Variants in TTC21A observed in about 807,000 individuals in gnomAD.
TTC21A encodes tetratricopeptide repeat domain 21A.
Under a neutral mutation model 156.4 loss-of-function variants are expected in TTC21A, and 128 were observed. That is an observed-to-expected ratio of 0.82 (90% CI 0.71 to 0.95). The LOEUF (loss-of-function observed/expected upper bound fraction) is 0.95. Ranked by LOEUF, TTC21A falls within the 40% of genes least tolerant of loss-of-function variation. The pLI, the probability that TTC21A is intolerant of heterozygous loss-of-function variation, is 0.00. For synonymous variants in TTC21A, 587 were observed against 617.1 expected (o/e 0.95, Z 0.72); for missense variants, 1,435 against 1,602.3 (o/e 0.90, Z 1.78).
chr3:39,119,278 C>T (rs1421622903), intron 7 of TTC21A: 2 of 152,236 alleles, frequency 1.3e-5, no homozygotes, highest in African/African-American at 4.8e-5. Flanking sequence ...ACTAAGAATT[C>T]CTTACTCCTG....
At position 39,133,172 on chromosome 3, in the gene TTC21A, G is replaced by C; in HGVS notation, c.2683G>C (p.Glu895Gln). The change falls in exon 20 of 29, where the codon GAG becomes CAG. Residue 895 changes from glutamate (E) to glutamine (Q), a missense_variant. Transcript: ENST00000683103. ...CIQFAEHYLA[E>Q]KEYDKAVQSY... ...CCAATTTGCAGAGCACTACCTGGCA[G>C]AGAAAGAGTATGACAAGGCGGTACA... is the stretch of plus-strand genomic sequence containing the variant. 6.2e-7 allele frequency: 1 copy of C among 1,614,222 alleles called. No homozygotes were observed. The highest frequency in any genetic ancestry group is 8.5e-7 in the Non-Finnish European group (1 of 1,180,044).
chr3:39,118,716 C>T (rs1008424465), intron 7 of TTC21A: 1 of 153,854 alleles, frequency 6.5e-6, no homozygotes, highest in South Asian at 2.0e-4. Context: ...CAGTCAGAAA[C>T]ACCTAGAATT....
Position 39,138,702 on chromosome 3 carries a change from C to G in TTC21A, c.3865-9C>G. On this transcript the variant is annotated splice_polypyrimidine_tract_variant and intron_variant, in intron 28 of 28. Coordinates refer to ENST00000683103, the MANE Select transcript of TTC21A (RefSeq NM_001366900.1). ...ATGATACTGCACACCCATTCTCTCT[C>G]TGTTCCAGGTCCTCAGGGAGCACCC... The G allele has an allele frequency of 6.2e-7, 1 of 1,614,132 alleles. No individual in the cohort carries two copies. Among genetic ancestry groups the G allele is most frequent in the Non-Finnish European group, 8.5e-7 (1 of 1,179,998 alleles).
chr3:39,138,445 G>T, intron 27 of TTC21A, 58 bp downstream of exon 27: 1 of 1,613,176 alleles, frequency 6.2e-7, no homozygotes, highest in Non-Finnish European at 8.5e-7. Context: ...GGGCAGGAGG[G>T]CCCCCACCAT....
intron 6 of TTC21A, among the ~76,000 whole-genome samples, chr3:39,117,847 A>G (rs1406966547): frequency 6.6e-6 from 1 of 152,190 alleles, no homozygotes; most frequent in Non-Finnish European, 1.5e-5. Context: ...TTGTACTTCT[A>G]TCCTGTAGGT....
At chr3:39,124,986 T>C in intron 9 of TTC21A, 77 bp from the exon 10 acceptor site, 2 of 920,066 alleles carry the variant, frequency 2.2e-6, no homozygotes, top group East Asian at 4.8e-5. Context: ...CACTGTCTTA[T>C]CCATGCCCCT....
In TTC21A at chr3:39,121,069, T is replaced by C. The variant is rs373055793; in HGVS notation, c.973T>C (p.Tyr325His). 1.9e-6 allele frequency: 3 copies of C among 1,614,010 alleles called. No individual in the cohort carries two copies. The highest frequency in any genetic ancestry group is 2.5e-6 in the Non-Finnish European group (3 of 1,180,010). The change falls in exon 9 of 29, where the codon TAT (tyrosine) becomes CAT (histidine). Residue 325 changes from tyrosine to histidine, a missense_variant. By Grantham distance (83) the Tyr-to-His change is moderately conservative (BLOSUM62 2). Coordinates refer to ENST00000683103, the MANE Select transcript of TTC21A (RefSeq NM_001366900.1). ...GCGCACCTTCATGGCCACCCCCTCGTATGTCCATGTGGCCACAGAACTGGG... is the reference window on the plus strand; with the variant it reads ...GCGCACCTTCATGGCCACCCCCTCGCATGTCCATGTGGCCACAGAACTGGG... ...IERTFMATPSYVHVATELGYL... is the reference protein window; with the variant it reads ...IERTFMATPSHVHVATELGYL...
At chr3:39,131,305 GGGAA>G (rs2038714612) in intron 19 of TTC21A, among the ~76,000 whole-genome samples, 1 of 152,210 alleles carries the variant, frequency 6.6e-6, no homozygotes, top group Non-Finnish European at 1.5e-5. Context: ...GTGGTGGGCT[GGGAA>G]AGGCAGGAAG....
At position 39,108,105 on chromosome 3, in the gene TTC21A, A is replaced by G. The variant is rs142798608; in HGVS notation, c.27+241A>G. 4.3e-3 allele frequency: 2,533 copies of G among 584,808 alleles called. 9 individuals carry two copies. The highest frequency in any genetic ancestry group is 5.7e-3 in the Non-Finnish European group (1,863 of 328,970). The allele number at this position is 584,808 out of a possible 1,614,324, so 36.2% of individuals were successfully genotyped here. On this transcript the variant is annotated intron_variant, in intron 1 of 28. Transcript: ENST00000683103. ...CCCCAAACCAGCTCATCCAATCACT[A>G]TCATTATCCCTTCTTGTCATCATCC...
intron 1 of TTC21A, among the ~76,000 whole-genome samples, chr3:39,108,607 A>G (rs1353607231): frequency 6.6e-6 from 1 of 152,218 alleles, no homozygotes; most frequent in East Asian, 1.9e-4. Context: ...CAAACCTTAG[A>G]GGAAGTGAAA....
Position 39,121,129 on chromosome 3 carries a change from G to A in TTC21A, c.1033G>A (p.Ala345Thr). ...CATCCTGAAGAACCAAGTGAAAGAG[G>A]CCTTGCTGTGGTATTCAGAAGCCAT... ...LFILKNQVKE[A>T]LLWYSEAMKL... Residue 345 changes from alanine (A) to threonine (T), a missense_variant, in exon 9 of 29, where the codon GCC (alanine) becomes ACC (threonine). Ala to Thr is a moderately conservative substitution (Grantham distance 58). Coordinates refer to ENST00000683103, the MANE Select transcript of TTC21A (RefSeq NM_001366900.1). 1.9e-6 allele frequency: 3 copies of A among 1,614,114 alleles called. No individual in the cohort carries two copies. The highest frequency in any genetic ancestry group is 1.7e-6 in the Non-Finnish European group (2 of 1,180,004).
At chr3:39,133,398 G>A (rs2038881922) in intron 20 of TTC21A, among the ~76,000 whole-genome samples, 158 bp downstream of exon 20, 2 of 152,244 alleles carry the variant, frequency 1.3e-5, no homozygotes, top group Admixed American at 1.3e-4. Flanking sequence ...GGCCTCTGGG[G>A]TAAGGTGTCT....
Position 39,138,603 on chromosome 3 carries a change from G to A in TTC21A, c.3844G>A (p.Ala1282Thr). The A allele has an allele frequency of 6.2e-7, 1 of 1,614,204 alleles. No individual in the cohort carries two copies. The highest frequency in any genetic ancestry group is 8.5e-7 in the Non-Finnish European group (1 of 1,180,040). ...NYLKDKKFVE[A>T]IEICNDVLRE... The stretch of plus-strand genomic sequence containing the variant: ...CCTGAAGGACAAGAAATTTGTGGAG[G>A]CCATTGAAATCTGCAACGATGTAAG... The change falls in exon 28 of 29, where the codon GCC becomes ACC. Residue 1282 changes from alanine (A) to threonine (T), a missense_variant. Ala to Thr is a moderately conservative substitution (Grantham distance 58). Coordinates refer to ENST00000683103, the MANE Select transcript of TTC21A (RefSeq NM_001366900.1).
In TTC21A at chr3:39,126,506, AC is replaced by A. The variant is rs1472052241; in HGVS notation, c.1522+117del. The A allele has an allele frequency of 7.1e-6, 7 of 984,802 alleles. No individual in the cohort carries two copies. The Admixed American group carries it at 1.5e-4, about 21-fold the overall frequency. 61.0% of individuals were successfully genotyped at this position (984,802 alleles called of 1,614,324 possible). A position where few individuals can be genotyped will look rare whatever the true frequency, so the allele number is the denominator to read the frequency against. Reference sequence around the variant, plus strand: ...CACACACACACACACACACACACACACACACACACACACACTCTCCTTGCCT... The same window carrying A: ...CACACACACACACACACACACACACAACACACACACACACTCTCCTTGCCT... On this transcript the variant is annotated intron_variant, in intron 12 of 28. Transcript: ENST00000683103.
chr3:39,134,475 T>C lies in TTC21A; in HGVS notation c.2862+147T>C, dbSNP rs1487860029. 2.8e-6 allele frequency: 2 copies of C among 722,162 alleles called. No individual in the cohort carries two copies. The highest frequency in any genetic ancestry group is 2.6e-5 in the East Asian group (1 of 37,938). The allele number at this position is 722,162 out of a possible 1,614,324, so 44.7% of individuals were successfully genotyped here. A position where few individuals can be genotyped will look rare whatever the true frequency, so the allele number is the denominator to read the frequency against. ...GAGCTGTCGGGCAGAGAGGACTCAG[T>C]GCTGCACCTACTCTGCCCTTTAGCC... is the stretch of plus-strand genomic sequence containing the variant. On this transcript the variant is annotated intron_variant, in intron 21 of 28. Transcript: ENST00000683103. This position sits in a 1 kb window ranked among gnomAD's most constrained non-coding sequence, Gnocchi z 4.6.
chr3:39,133,028 T>A (rs746830712), intron 19 of TTC21A, 24 bp from the exon 20 acceptor site: 5 of 1,612,516 alleles, frequency 3.1e-6, no homozygotes, highest in Non-Finnish European at 4.2e-6. Flanking sequence ...GAGTTTCTGA[T>A]CCTGGCTTGA....
chr3:39,107,767 C>T lies in TTC21A; in HGVS notation c.-71C>T, dbSNP rs750495363. The T allele has an allele frequency of 4.1e-5, 66 of 1,603,012 alleles. No individual in the cohort carries two copies. The highest frequency in any genetic ancestry group is 5.5e-5 in the Non-Finnish European group (65 of 1,174,028). On this transcript the variant is annotated 5_prime_UTR_variant, in exon 1 of 29. In the 5' UTR this introduces an upstream ATG that the reference lacks. Transcript: ENST00000683103. Reference sequence around the variant, plus strand: ...ACCGCCCGCCGCGATAGAGTGCCCACGACCCTGCCTCGGGAATCCCGCTCT... The same window carrying T: ...ACCGCCCGCCGCGATAGAGTGCCCATGACCCTGCCTCGGGAATCCCGCTCT...
rs751991130 is a variant in TTC21A, at chr3:39,110,151, C to G, written c.268+12C>G. ...ATGTGAAATCATTGGTGAGTGCCAC[C>G]ATGCTCAACCAGGCCTGACCCACCA... On this transcript the variant is annotated intron_variant, in intron 3 of 28. Transcript: ENST00000683103. 1.3e-6 allele frequency: 2 copies of G among 1,596,580 alleles called. No homozygotes were observed. The highest frequency in any genetic ancestry group is 2.7e-5 in the African/African-American group (2 of 74,708).
intron 3 of TTC21A, chr3:39,110,371 G>A (rs763351349): frequency 1.7e-6 from 1 of 596,206 alleles, no homozygotes; most frequent in Non-Finnish European, 3.0e-6. Flanking sequence ...GACAGTGGGA[G>A]GGGCCCATGC....
Sources: allele counts gnomAD v4.1 joint callset (sites outside exome capture counted in the v4.1 genomes callset), GRCh38; gene constraint gnomAD v4.1.1; non-coding constraint Gnocchi (gnomAD v3.1); transcripts MANE v1.5; gene names NCBI Gene and HGNC (gene_info 2026-07-23, HGNC 2026-07-21).